The following PTPRD variants were observed in gnomAD, a reference collection of about 807,000 sequenced individuals.
The protein encoded by PTPRD is protein tyrosine phosphatase receptor type D.
Under a neutral mutation model 214.5 loss-of-function variants are expected in PTPRD, and 34 were observed. The ratio of observed to expected loss-of-function variants is 0.16; its 90% CI spans 0.12 to 0.21. The LOEUF (loss-of-function observed/expected upper bound fraction) is 0.21, where lower values mean the gene tolerates loss of function less well. Among genes scored for constraint, PTPRD ranks in the 10% least tolerant of loss-of-function variants. The pLI, the probability that PTPRD is intolerant of heterozygous loss-of-function variation, is 1.00. For missense variants in PTPRD, 2,545 were observed against 2,398.7 expected, an observed-to-expected ratio of 1.06 and a Z score of -1.27; for synonymous variants, 1,128 against 845.7, an observed-to-expected ratio of 1.33 and a Z score of -5.79.
rs150025596 is a variant in PTPRD at position 9,053,459 on chromosome 9, A to C, written c.-142-34724T>G. Among the ~76,000 whole-genome samples, 184 of 152,190 alleles carry C rather than the reference A, an allele frequency of 1.2e-3. 4 individuals are homozygous for C. The East Asian group carries it at 0.026, about 22-fold the overall frequency. On this transcript the variant is annotated intron_variant, in intron 10 of 45. Transcript: ENST00000381196. Reference sequence around the variant, plus strand: ...ACAAATAACCCATCACGGTTGAGTCAATGGGTTTGAAGAGCTGATGTATTT... The same window carrying C: ...ACAAATAACCCATCACGGTTGAGTCCATGGGTTTGAAGAGCTGATGTATTT...
At chr9:9,624,692 T>C (rs1392029596) in intron 7 of PTPRD, among the ~76,000 whole-genome samples, 1 of 152,166 alleles carries the variant, frequency 6.6e-6, no homozygotes, top group Non-Finnish European at 1.5e-5. Context: ...TTGCTTACTT[T>C]CTCAAACATC....
intron 34 of PTPRD, among the ~76,000 whole-genome samples, chr9:8,438,021 A>G (rs1218318812): frequency 6.6e-6 from 1 of 152,182 alleles, no homozygotes; most frequent in African/African-American, 2.4e-5. Context: ...CTGAACTAGC[A>G]TGTCCCCAGG....
intron 14 of PTPRD, among the ~76,000 whole-genome samples, chr9:8,598,048 G>C (rs1028180009): frequency 2.6e-5 from 4 of 152,104 alleles, no homozygotes; most frequent in Admixed American, 2.6e-4. Context: ...TTACTAGTTA[G>C]AGAAGAGCCA....
intron 6 of PTPRD, among the ~76,000 whole-genome samples, chr9:9,735,895 T>G (rs934837490): frequency 6.6e-6 from 1 of 152,092 alleles, no homozygotes; most frequent in Non-Finnish European, 1.5e-5. Context: ...TTTGCAAAAA[T>G]AGAAATGTAT....
chr9:10,050,681 A>G (rs1457684461), intron 3 of PTPRD, among the ~76,000 whole-genome samples: 1 of 150,546 alleles, frequency 6.6e-6, no homozygotes, highest in African/African-American at 2.4e-5. Context: ...GTAAAATTGT[A>G]TTTTCAGTAA....
At chr9:10,192,471 G>C (rs1055866988) in intron 3 of PTPRD, among the ~76,000 whole-genome samples, 2 of 121,066 alleles carry the variant, frequency 1.7e-5, no homozygotes, top group Admixed American at 1.8e-4. Flanking sequence ...AAAAAAAAAA[G>C]CTGTTACATT....
intron 12 of PTPRD, among the ~76,000 whole-genome samples, chr9:8,707,909 G>T (rs1165679100): frequency 6.6e-6 from 1 of 152,162 alleles, no homozygotes; most frequent in Non-Finnish European, 1.5e-5. Context: ...GAATAAAAAT[G>T]ATCATAGTGC....
chr9:8,778,161 A>T (rs1362380511), intron 11 of PTPRD, among the ~76,000 whole-genome samples: 2 of 152,202 alleles, frequency 1.3e-5, no homozygotes, highest in African/African-American at 2.4e-5. Flanking sequence ...ATATATATGT[A>T]TGTATGTATT....
chr9:9,820,452 C>T (rs948315827), intron 5 of PTPRD, among the ~76,000 whole-genome samples: 1 of 151,896 alleles, frequency 6.6e-6, no homozygotes, highest in Non-Finnish European at 1.5e-5. Context: ...TACTCTGTTG[C>T]TAGTACATTT....
At chr9:10,148,858 T>G (rs2099041845) in intron 3 of PTPRD, among the ~76,000 whole-genome samples, 1 of 152,196 alleles carries the variant, frequency 6.6e-6, no homozygotes, top group South Asian at 2.1e-4. Flanking sequence ...TCAGACACAT[T>G]TTAAATAAGC....
chr9:9,369,968 A>G (rs1432285278), intron 9 of PTPRD, among the ~76,000 whole-genome samples: 3 of 152,048 alleles, frequency 2.0e-5, no homozygotes, highest in Non-Finnish European at 4.4e-5. Context: ...CCATTGATCT[A>G]TATCTCTGTT....
At chr9:9,334,691 C>T (rs955911510) in intron 9 of PTPRD, among the ~76,000 whole-genome samples, 1 of 151,920 alleles carries the variant, frequency 6.6e-6, no homozygotes. Context: ...TTATTCAAAT[C>T]ACTGACCACA....
intron 8 of PTPRD, among the ~76,000 whole-genome samples, chr9:9,445,639 A>C (rs2090131869): frequency 6.6e-6 from 1 of 152,114 alleles, no homozygotes; most frequent in Admixed American, 6.6e-5. Flanking sequence ...TTATCAAATC[A>C]TCAGATCTCA....
At chr9:8,548,425 T>A (rs2080949996) in intron 14 of PTPRD, among the ~76,000 whole-genome samples, 1 of 152,050 alleles carries the variant, frequency 6.6e-6, no homozygotes, top group African/African-American at 2.4e-5. Flanking sequence ...TGTACTGCCG[T>A]GGCACAATCT....
At chr9:9,919,756 C>G (rs2082018017) in intron 5 of PTPRD, among the ~76,000 whole-genome samples, 2 of 152,074 alleles carry the variant, frequency 1.3e-5, no homozygotes, top group Non-Finnish European at 2.9e-5. Flanking sequence ...CTTGTATGAC[C>G]TGGTGCTAAC....
chr9:8,338,866 GT>G, intron 43 of PTPRD, 55 bp downstream of exon 43: 4 of 712,458 alleles, frequency 5.6e-6, no homozygotes, highest in Admixed American at 3.2e-5. Context: ...AGAGAGAGAG[GT>G]ATCTTAGACT....
At chr9:8,467,331 A>C (rs2096564314) in intron 31 of PTPRD, among the ~76,000 whole-genome samples, 1 of 151,870 alleles carries the variant, frequency 6.6e-6, no homozygotes, top group East Asian at 1.9e-4. Context: ...ACTATCTTTT[A>C]ATCTTGTTGT....
intron 4 of PTPRD, among the ~76,000 whole-genome samples, chr9:9,963,829 G>A (rs535707246): frequency 2.0e-5 from 3 of 152,166 alleles, no homozygotes; most frequent in Non-Finnish European, 2.9e-5. Flanking sequence ...TTAGAAAGCT[G>A]TCAAAGGATT....
intron 2 of PTPRD, among the ~76,000 whole-genome samples, chr9:10,461,801 T>C (rs893732390): frequency 6.6e-6 from 1 of 152,024 alleles, no homozygotes; most frequent in East Asian, 1.9e-4. Flanking sequence ...TTTGTATTTT[T>C]AGTAGAGACG....
Sources: gnomAD v4.1 joint callset for allele counts (sites outside exome capture counted in the v4.1 genomes callset) on GRCh38, gnomAD v4.1.1 for gene constraint, MANE v1.5 for transcripts, NCBI Gene and HGNC (gene_info 2026-07-23, HGNC 2026-07-21) for gene names.